The following GPR141 variants were observed in gnomAD, a reference collection of about 807,000 sequenced individuals.
The protein encoded by GPR141 is probable G protein-coupled receptor 141.
GPR141 carries 6 observed loss-of-function variants against 6.8 expected under a neutral mutation model. That is an observed-to-expected ratio of 0.88 (90% confidence interval 0.48 to 1.74). GPR141 has a LOEUF of 1.74. Among genes scored for constraint, GPR141 ranks in the 40% most tolerant of loss-of-function variants. The probability of loss-of-function intolerance (pLI) is 0.01; values close to 1 mark genes in which losing one functional copy is unlikely to be tolerated. For missense variants in GPR141, 372 were observed against 372.9 expected, an observed-to-expected ratio of 1.00 and a Z score of 0.02; for synonymous variants, 140 against 142.3, an observed-to-expected ratio of 0.98 and a Z score of 0.11.
chr7:37,710,530 G>A (rs761929140), intron 2 of GPR141, among the ~76,000 whole-genome samples: 13 of 152,208 alleles, frequency 8.5e-5, no homozygotes, highest in Middle Eastern at 3.4e-3. Context: ...TTGCCAAATA[G>A]CCAACTACTG....
chr7:37,735,153 A>C (rs1468448872), intron 2 of GPR141, among the ~76,000 whole-genome samples: 1 of 152,226 alleles, frequency 6.6e-6, no homozygotes, highest in Non-Finnish European at 1.5e-5. Context: ...AATCCAAGAA[A>C]TCAAATAAAG....
intron 2 of GPR141, among the ~76,000 whole-genome samples, chr7:37,719,511 G>A (rs891898653): frequency 5.9e-5 from 9 of 152,146 alleles, no homozygotes; most frequent in African/African-American, 2.2e-4. Context: ...TGACAGATGG[G>A]TCCTCTCCCA....
rs75588306 is a variant in GPR141 at position 37,719,079 on chromosome 7, A to C, written c.-14-21301A>C. On this transcript the variant is annotated intron_variant, in intron 2 of 2. Transcript: ENST00000334425. ...TCAGCTTTCTCCTGTGACCTGGGAAAGCTGTGATGTGGAGCATGGCCAGTT... is the reference window on the plus strand; with the variant it reads ...TCAGCTTTCTCCTGTGACCTGGGAACGCTGTGATGTGGAGCATGGCCAGTT... Among the ~76,000 whole-genome samples, 249 of 152,320 alleles carry C rather than the reference A, an allele frequency of 1.6e-3. 3 individuals are homozygous for C. Among genetic ancestry groups the C allele is most frequent in the African/African-American group, 5.8e-3 (240 of 41,570 alleles).
intron 2 of GPR141, among the ~76,000 whole-genome samples, chr7:37,710,416 C>A (rs1810738024): frequency 6.6e-6 from 1 of 152,132 alleles, no homozygotes; most frequent in South Asian, 2.1e-4. Context: ...AAGAAAATCC[C>A]AGAAATCCCA....
At chr7:37,729,303 G>T (rs1023188967) in intron 2 of GPR141, among the ~76,000 whole-genome samples, 4 of 152,218 alleles carry the variant, frequency 2.6e-5, no homozygotes, top group African/African-American at 9.6e-5. Flanking sequence ...CAGAGGTAAA[G>T]AGGGGATCCT....
At chr7:37,737,675 C>T (rs1293784343) in intron 2 of GPR141, among the ~76,000 whole-genome samples, 3 of 152,004 alleles carry the variant, frequency 2.0e-5, no homozygotes, top group African/African-American at 7.3e-5. Flanking sequence ...CCAGGGAAGC[C>T]AAAAGATTAG....
intron 2 of GPR141, among the ~76,000 whole-genome samples, chr7:37,707,008 C>G (rs1322879009): frequency 6.6e-6 from 1 of 151,970 alleles, no homozygotes; most frequent in Non-Finnish European, 1.5e-5. Flanking sequence ...TCCTCTTTCC[C>G]TTTCCCTCCA....
At chr7:37,703,312 A>G (rs747045098) in intron 2 of GPR141, among the ~76,000 whole-genome samples, 10 of 151,670 alleles carry the variant, frequency 6.6e-5, no homozygotes, top group Non-Finnish European at 1.3e-4. Context: ...CTTTTTCCTT[A>G]GTATTCTGTG....
intron 2 of GPR141, among the ~76,000 whole-genome samples, chr7:37,694,757 T>C (rs891160954): frequency 6.6e-6 from 1 of 152,034 alleles, no homozygotes; most frequent in East Asian, 1.9e-4. Flanking sequence ...GAGCAAGAAT[T>C]CACTTATTAC....
intron 1 of GPR141, among the ~76,000 whole-genome samples, chr7:37,684,223 A>G (rs1209653535): frequency 2.6e-5 from 4 of 152,236 alleles, no homozygotes; most frequent in East Asian, 1.9e-4. Flanking sequence ...GAATTTGTGT[A>G]TAATTATTCA....
chr7:37,695,470 C>T (rs944151702), intron 2 of GPR141, among the ~76,000 whole-genome samples: 1 of 152,132 alleles, frequency 6.6e-6, no homozygotes. Context: ...TGTAGATGTC[C>T]AAAGTGTGGA....
At chr7:37,721,054 G>A (rs1454734664) in intron 2 of GPR141, among the ~76,000 whole-genome samples, 1 of 152,218 alleles carries the variant, frequency 6.6e-6, no homozygotes, top group Non-Finnish European at 1.5e-5. Flanking sequence ...GGAGAGCAGG[G>A]ATGGAGCAGT....
At chr7:37,715,503 T>C (rs563794858) in intron 2 of GPR141, among the ~76,000 whole-genome samples, 2 of 152,252 alleles carry the variant, frequency 1.3e-5, no homozygotes, top group African/African-American at 2.4e-5. Flanking sequence ...GGAAACATGA[T>C]GTTTATGGAG....
intron 2 of GPR141, among the ~76,000 whole-genome samples, chr7:37,720,469 C>A (rs1811263934): frequency 6.6e-6 from 1 of 152,162 alleles, no homozygotes; most frequent in Admixed American, 6.5e-5. Flanking sequence ...TAGGCCGGCA[C>A]CATGGCTCAT....
intron 2 of GPR141, among the ~76,000 whole-genome samples, chr7:37,698,902 C>T (rs762710995): frequency 3.9e-5 from 6 of 152,174 alleles, no homozygotes; most frequent in East Asian, 1.9e-4. Context: ...CTGTATCCTA[C>T]GTCAAGATAA....
chr7:37,725,051 C>T (rs931504137), intron 2 of GPR141, among the ~76,000 whole-genome samples: 2 of 152,196 alleles, frequency 1.3e-5, no homozygotes, highest in African/African-American at 4.8e-5. Flanking sequence ...ATGCTATAAT[C>T]TCTAGGTTTC....
chr7:37,741,410 G>A lies in GPR141; in HGVS notation c.*99G>A. On this transcript the variant is annotated 3_prime_UTR_variant, in exon 3 of 3. Coordinates refer to ENST00000334425, the MANE Select transcript of GPR141 (RefSeq NM_001381946.1). ...TATTTCATTACTTGATCAAAACCAT[G>A]CCTTGATGTACCCAAAACAAAAGGA... 1.1e-6 allele frequency: 1 copy of A among 891,020 alleles called. No homozygotes were observed. Among genetic ancestry groups the A allele is most frequent in the Non-Finnish European group, 1.7e-6 (1 of 588,140 alleles). The allele number at this position is 891,020 out of a possible 1,614,324, so 55.2% of individuals were successfully genotyped here.
At chr7:37,739,621 A>G (rs1812430062) in intron 2 of GPR141, among the ~76,000 whole-genome samples, 1 of 152,206 alleles carries the variant, frequency 6.6e-6, no homozygotes, top group African/African-American at 2.4e-5. Context: ...ATGGAGAATG[A>G]ATTAGAAAGG....
rs1037324382 is a variant in GPR141, at chr7:37,691,283, A to G, written c.-15+5700A>G. Among the ~76,000 whole-genome samples the G allele has an allele frequency of 2.4e-3, 117 of 49,696 alleles. 1 individual carries two copies. Among genetic ancestry groups the G allele is most frequent in the African/African-American group, 8.8e-3 (112 of 12,766 alleles). 32.6% of individuals were successfully genotyped at this position (49,696 alleles called of 152,430 possible). On this transcript the variant is annotated intron_variant, in intron 2 of 2. Transcript: ENST00000334425. ...TTTTTTTAACCTAGTTACCCAGTCT[A>G]TATCCTTTTTTTTTTTTTTTTTTTT...
Sources: allele counts gnomAD v4.1 joint callset (sites outside exome capture counted in the v4.1 genomes callset), GRCh38; gene constraint gnomAD v4.1.1; transcripts MANE v1.5; gene names NCBI Gene and HGNC (gene_info 2026-07-23, HGNC 2026-07-21).